TENT2: variants seen among roughly 807,000 people sequenced by gnomAD.
TENT2 encodes the protein terminal nucleotidyltransferase 2.
TENT2 carries 44 observed loss-of-function variants against 72.2 expected under a neutral mutation model. The observed-to-expected ratio is 0.61, with a 90% CI of 0.48 to 0.78. The LOEUF (loss-of-function observed/expected upper bound fraction) is 0.78, where lower values mean the gene tolerates loss of function less well. Among genes scored for constraint, TENT2 ranks in the 30% least tolerant of loss-of-function variants. The pLI is 0.00. For synonymous variants in TENT2, 212 were observed against 192.5 expected (o/e 1.10, Z -0.84); for missense variants, 541 against 569.6 (o/e 0.95, Z 0.51).
Position 79,619,777 on chromosome 5 carries a change from G to A in TENT2, c.129G>A (p.Gln43=). 1 of 1,612,884 alleles carries A rather than the reference G, an allele frequency of 6.2e-7. No individual in the cohort carries two copies. The highest frequency in any genetic ancestry group is 8.5e-7 in the Non-Finnish European group (1 of 1,179,422). The change falls in exon 2 of 15, where the codon CAG becomes CAA. Residue 43 remains glutamine, a synonymous_variant. Coordinates refer to ENST00000453514, the MANE Select transcript of TENT2 (RefSeq NM_001114394.3). ...QQLIDAQFNF[Q]NADLSRAVSL... is the part of the protein sequence containing the mutation. ...TTATAGATGCACAATTCAACTTTCAGAATGCAGAGTGAGTATGGTGATATT... is the reference window on the plus strand; with the variant it reads ...TTATAGATGCACAATTCAACTTTCAAAATGCAGAGTGAGTATGGTGATATT...
chr5:79,657,507 T>C (rs1798784574), intron 11 of TENT2, among the ~76,000 whole-genome samples: 1 of 151,980 alleles, frequency 6.6e-6, no homozygotes, highest in South Asian at 2.1e-4. Flanking sequence ...GTCTGCATAA[T>C]ACTATGAATC....
At chr5:79,673,722 T>G (rs1168879561) in intron 12 of TENT2, among the ~76,000 whole-genome samples, 1 of 152,142 alleles carries the variant, frequency 6.6e-6, no homozygotes, top group Non-Finnish European at 1.5e-5. Flanking sequence ...ATTTTAAGAT[T>G]GGGATAACTT....
intron 4 of TENT2, among the ~76,000 whole-genome samples, chr5:79,637,390 T>C (rs2150337092): frequency 6.6e-6 from 1 of 152,284 alleles, no homozygotes; most frequent in Middle Eastern, 3.4e-3. Context: ...CTGTTATTTG[T>C]CTTTGAGATG....
intron 4 of TENT2, among the ~76,000 whole-genome samples, chr5:79,639,495 G>A (rs1394957530): frequency 7.0e-6 from 1 of 143,174 alleles, no homozygotes; most frequent in Non-Finnish European, 1.5e-5. Context: ...TTTTTATATT[G>A]ACCTAAGATT....
intron 4 of TENT2, 29 bp from the exon 5 acceptor site, chr5:79,640,822 C>A: frequency 6.7e-7 from 1 of 1,481,614 alleles, no homozygotes; most frequent in Non-Finnish European, 9.3e-7. Flanking sequence ...CTGAACAAAA[C>A]TTTTACTTTT....
intron 4 of TENT2, among the ~76,000 whole-genome samples, chr5:79,640,158 A>G (rs1783273082): frequency 6.6e-6 from 1 of 151,784 alleles, no homozygotes; most frequent in South Asian, 2.1e-4. Flanking sequence ...TGGGACGCTG[A>G]GGCAGGAGAA....
chr5:79,651,031 C>T (rs539724140), intron 10 of TENT2, among the ~76,000 whole-genome samples: 4 of 152,000 alleles, frequency 2.6e-5, no homozygotes, highest in South Asian at 2.1e-4. Context: ...TTTTAAAATT[C>T]ATTTTGAATA....
At chr5:79,649,213 CAATTTTTAAA>C (rs768049056) in intron 10 of TENT2, 23 bp downstream of exon 10, 20 of 1,600,274 alleles carry the variant, frequency 1.2e-5, no homozygotes, top group Non-Finnish European at 1.7e-5. Flanking sequence ...GGGTTTTACC[CAATTTTTAAA>C]AGTAAAAGAC....
intron 4 of TENT2, among the ~76,000 whole-genome samples, chr5:79,634,554 G>T (rs1424606202): frequency 6.6e-6 from 1 of 151,972 alleles, no homozygotes; most frequent in Non-Finnish European, 1.5e-5. Context: ...GGTCAGGCTG[G>T]TCTCGAACTC....
At chr5:79,619,472 A>G (rs1332368690) in intron 1 of TENT2, 140 bp from the exon 2 acceptor site, 2 of 513,274 alleles carry the variant, frequency 3.9e-6, no homozygotes, top group Non-Finnish European at 6.6e-6. Context: ...CTACAGTGGC[A>G]CTTAGGAGAC....
chr5:79,621,480 C>A (rs563185554), intron 3 of TENT2, among the ~76,000 whole-genome samples: 2 of 152,114 alleles, frequency 1.3e-5, no homozygotes, highest in East Asian at 3.9e-4. Flanking sequence ...TCCCTTAGGC[C>A]GGGCGCAGTG....
intron 10 of TENT2, among the ~76,000 whole-genome samples, chr5:79,656,361 C>G (rs913039371): frequency 3.3e-5 from 5 of 151,764 alleles, no homozygotes; most frequent in African/African-American, 1.2e-4. Context: ...CCTTAGTTTT[C>G]TGACTTTTGC....
intron 4 of TENT2, among the ~76,000 whole-genome samples, chr5:79,625,421 TC>T: frequency 6.6e-6 from 1 of 152,246 alleles, no homozygotes; most frequent in East Asian, 1.9e-4. Flanking sequence ...GTCCAGTTTA[TC>T]TATTTTCCTT....
At chr5:79,657,069 T>G (rs1353171033) in intron 11 of TENT2, 68 bp downstream of exon 11, 1 of 1,074,988 alleles carries the variant, frequency 9.3e-7, no homozygotes, top group Non-Finnish European at 1.4e-6. Context: ...TTATAAGTAG[T>G]ATTAATGTGA....
intron 10 of TENT2, among the ~76,000 whole-genome samples, chr5:79,654,431 C>T (rs982838371): frequency 7.4e-6 from 1 of 135,756 alleles, no homozygotes; most frequent in Non-Finnish European, 1.6e-5. Flanking sequence ...AACTCTGTCT[C>T]AAAAAAAAAA....
In TENT2 at chr5:79,668,855, A is replaced by G. The variant is rs763888100; in HGVS notation, c.1072-37A>G. On this transcript the variant is annotated intron_variant, in intron 11 of 14. Transcript: ENST00000453514. The stretch of plus-strand genomic sequence containing the variant: ...TAAAGTTTCTTAGTGTGTGTTTTAA[A>G]TGGCTTTACATTTTTTCCCCTTCTT... 8.8e-6 allele frequency: 14 copies of G among 1,585,006 alleles called. No individual in the cohort carries two copies. The South Asian group carries it at 1.5e-4, about 17-fold the overall frequency.
chr5:79,621,765 A>C (rs76393773), intron 3 of TENT2, among the ~76,000 whole-genome samples: 64 of 151,502 alleles, frequency 4.2e-4, no homozygotes, highest in African/African-American at 1.2e-3. Flanking sequence ...CTCAAAAAAA[A>C]AAAAAAACAA....
At chr5:79,623,756 CT>C (rs1766975548) in intron 4 of TENT2, 1 of 273,366 alleles carries the variant, frequency 3.7e-6, no homozygotes. Context: ...GTTTAGAGAA[CT>C]GTCTTGTTAC....
At chr5:79,623,153 T>G (rs1399176512) in intron 3 of TENT2, 99 bp from the exon 4 acceptor site, 1 of 796,086 alleles carries the variant, frequency 1.3e-6, no homozygotes. Flanking sequence ...AGAATCATAT[T>G]GTCATTATCT....
Sources: allele counts gnomAD v4.1 joint callset (sites outside exome capture counted in the v4.1 genomes callset), GRCh38; gene constraint gnomAD v4.1.1; transcripts MANE v1.5; gene names NCBI Gene and HGNC (gene_info 2026-07-23, HGNC 2026-07-21).